Variants in GALNT2 observed in about 807,000 individuals in gnomAD.
The protein encoded by GALNT2 is UDP-GalNAc:polypeptide N-acetylgalactosaminyltransferase 2.
In GALNT2, 31 loss-of-function variants were observed where a neutral mutation model predicts 81.4. That is an observed-to-expected ratio of 0.38 (90% confidence interval 0.29 to 0.51). The LOEUF (loss-of-function observed/expected upper bound fraction) is 0.51. Ranked by LOEUF, GALNT2 falls within the 20% of genes least tolerant of loss-of-function variation. The pLI is 0.87. For synonymous variants in GALNT2, 303 were observed against 287.4 expected, an observed-to-expected ratio of 1.05 and a Z score of -0.55; for missense variants, 629 against 765.7, an observed-to-expected ratio of 0.82 and a Z score of 2.11.
intron 12 of GALNT2, 78 bp from the exon 13 acceptor site, chr1:230,262,844 A>T: frequency 3.4e-6 from 5 of 1,457,572 alleles, no homozygotes; most frequent in Non-Finnish European, 4.8e-6. Context: ...TGTTCTCCTC[A>T]GCAGATTTTC....
intron 1 of GALNT2, among the ~76,000 whole-genome samples, chr1:230,060,881 T>C (rs1468688890): frequency 6.6e-6 from 1 of 152,240 alleles, no homozygotes; most frequent in Non-Finnish European, 1.5e-5. Flanking sequence ...AGCTGGCTCC[T>C]ATGTCCTTTT....
chr1:230,235,919 C>A, intron 3 of GALNT2, 95 bp from the exon 4 acceptor site: 1 of 1,037,730 alleles, frequency 9.6e-7, no homozygotes. Flanking sequence ...GCATGTCCAT[C>A]CCAGTTGGTC....
intron 3 of GALNT2, among the ~76,000 whole-genome samples, chr1:230,227,906 G>A (rs1355970785): frequency 6.6e-6 from 1 of 152,194 alleles, no homozygotes; most frequent in Non-Finnish European, 1.5e-5. Context: ...ATTGCAAGAT[G>A]TGTAACGAAT....
At chr1:230,256,855 C>T (rs1219695858) in intron 11 of GALNT2, among the ~76,000 whole-genome samples, 2 of 152,096 alleles carry the variant, frequency 1.3e-5, no homozygotes, top group Non-Finnish European at 2.9e-5. Flanking sequence ...AGGTAAGATG[C>T]AGTCATGTGG....
At chr1:230,127,677 GTT>G (rs35125935) in intron 1 of GALNT2, among the ~76,000 whole-genome samples, 2 of 148,026 alleles carry the variant, frequency 1.4e-5, no homozygotes, top group Admixed American at 6.7e-5. Context: ...CCGGCCGAGG[GTT>G]TTTTTTTTTA....
chr1:230,088,662 C>G (rs1438387174), intron 1 of GALNT2, among the ~76,000 whole-genome samples: 2 of 151,948 alleles, frequency 1.3e-5, no homozygotes. Flanking sequence ...CTCAGCCTCC[C>G]AAGTGGCTGG....
chr1:230,267,524 C>T (rs1666068101), intron 14 of GALNT2, among the ~76,000 whole-genome samples: 1 of 152,240 alleles, frequency 6.6e-6, no homozygotes. Flanking sequence ...GCTGTGAGGA[C>T]ACTCCCCAGG....
At chr1:230,253,191 G>A (rs1046423440) in intron 10 of GALNT2, among the ~76,000 whole-genome samples, 4 of 152,168 alleles carry the variant, frequency 2.6e-5, no homozygotes, top group East Asian at 1.9e-4. Flanking sequence ...AAGTAAAGTC[G>A]GAAACTTTCA....
chr1:230,073,706 T>C (rs1659443205), intron 1 of GALNT2, among the ~76,000 whole-genome samples: 1 of 152,214 alleles, frequency 6.6e-6, no homozygotes, highest in Non-Finnish European at 1.5e-5. Flanking sequence ...TATGAGCCCC[T>C]TGTCTCACTG....
intron 1 of GALNT2, among the ~76,000 whole-genome samples, chr1:230,106,473 G>T (rs1480875456): frequency 6.6e-6 from 1 of 152,230 alleles, no homozygotes; most frequent in African/African-American, 2.4e-5. Flanking sequence ...ACCTGAGGTT[G>T]TGACTTTAGG....
At chr1:230,102,973 T>G (rs1457217748) in intron 1 of GALNT2, among the ~76,000 whole-genome samples, 1 of 152,136 alleles carries the variant, frequency 6.6e-6, no homozygotes, top group East Asian at 1.9e-4. Context: ...AGTAGTGACA[T>G]TTTACTCACT....
intron 1 of GALNT2, among the ~76,000 whole-genome samples, chr1:230,132,002 A>G (rs553725678): frequency 4.4e-4 from 67 of 152,214 alleles, no homozygotes; most frequent in Non-Finnish European, 4.0e-4. Context: ...TGCTCTTGTT[A>G]CCCAATAAAT....
intron 3 of GALNT2, 105 bp from the exon 4 acceptor site, chr1:230,235,909 G>GC (rs1665011751): frequency 1.1e-6 from 1 of 911,412 alleles, no homozygotes; most frequent in Admixed American, 2.1e-5. Flanking sequence ...GTTAATCATA[G>GC]CATGTCCATC....
chr1:230,260,500 A>C (rs535372273), intron 11 of GALNT2, among the ~76,000 whole-genome samples: 1 of 152,348 alleles, frequency 6.6e-6, no homozygotes, highest in East Asian at 1.9e-4. Context: ...TGATTTGAAA[A>C]CAGTATGACT....
At chr1:230,251,558 C>G (rs1385079844) in intron 10 of GALNT2, among the ~76,000 whole-genome samples, 1 of 152,152 alleles carries the variant, frequency 6.6e-6, no homozygotes, top group Non-Finnish European at 1.5e-5. Flanking sequence ...GACCGTGAGT[C>G]AAACTCCTTT....
chr1:230,080,227 A>G (rs950460675), intron 1 of GALNT2, among the ~76,000 whole-genome samples: 1 of 152,154 alleles, frequency 6.6e-6, no homozygotes, highest in African/African-American at 2.4e-5. Context: ...CATCATTATC[A>G]AATGTGCCAT....
At chr1:230,168,135 C>T (rs781065203) in intron 1 of GALNT2, among the ~76,000 whole-genome samples, 1 of 151,924 alleles carries the variant, frequency 6.6e-6, no homozygotes, top group African/African-American at 2.4e-5. Context: ...GCGGTGGACT[C>T]GGAGCAAGTG....
At position 230,168,194 on chromosome 1, in the gene GALNT2, T is replaced by A. The variant is rs547202326; in HGVS notation, c.127-10024T>A. On this transcript the variant is annotated intron_variant, in intron 1 of 15. Transcript: ENST00000366672. Reference sequence around the variant, plus strand: ...CTCCTTAAAGTGTCGGGCGCTCAGCTAACTTAGGGCTAGAATTATATATCA... The same window carrying A: ...CTCCTTAAAGTGTCGGGCGCTCAGCAAACTTAGGGCTAGAATTATATATCA... 3.3e-5 allele frequency among the ~76,000 whole-genome samples: 5 copies of A among 152,232 alleles called. No homozygotes were observed. In the East Asian group the frequency reaches 9.7e-4, roughly 29 times the overall value.
At chr1:230,260,930 C>T (rs148643769) in intron 11 of GALNT2, among the ~76,000 whole-genome samples, 1 of 152,322 alleles carries the variant, frequency 6.6e-6, no homozygotes, top group East Asian at 1.9e-4. Context: ...CCTCTACACA[C>T]ATATCCACTA....
Sources: gnomAD v4.1 joint callset for allele counts (sites outside exome capture counted in the v4.1 genomes callset) on GRCh38, gnomAD v4.1.1 for gene constraint, MANE v1.5 for transcripts, NCBI Gene and HGNC (gene_info 2026-07-23, HGNC 2026-07-21) for gene names.